ST6GALNAC3: variants seen among roughly 807,000 people sequenced by gnomAD.
ST6GALNAC3 encodes the protein ST6 N-acetylgalactosaminide alpha-2,6-sialyltransferase 3.
A neutral mutation model predicts 32.7 loss-of-function variants in ST6GALNAC3; 25 were observed. The observed-to-expected ratio is 0.76, with a 90% CI of 0.56 to 1.07. ST6GALNAC3 has a LOEUF of 1.07. Among genes scored for constraint, ST6GALNAC3 ranks in the 50% least tolerant of loss-of-function variants. The pLI is 0.00. For missense variants in ST6GALNAC3, 355 were observed against 382.4 expected (o/e 0.93, Z 0.60); for synonymous variants, 129 against 133.1 (o/e 0.97, Z 0.21).
chr1:76,135,455 G>GCACT (rs1441393541), intron 1 of ST6GALNAC3, among the ~76,000 whole-genome samples: 1 of 152,194 alleles, frequency 6.6e-6, no homozygotes, highest in Non-Finnish European at 1.5e-5. Context: ...ATTTACTGCA[G>GCACT]CACTCTAGTG....
intron 1 of ST6GALNAC3, among the ~76,000 whole-genome samples, chr1:76,117,983 T>A (rs543012648): frequency 1.2e-3 from 183 of 152,332 alleles, no homozygotes; most frequent in African/African-American, 4.1e-3. Context: ...TTCTTTTTTT[T>A]ATTATTACTT....
rs66531652 is a variant in ST6GALNAC3, at chr1:76,419,944, CTT to C, written c.623+7540_623+7541del. Reference sequence around the variant, plus strand: ...GTTCTTGTTTGTTCTTTCTTTCTTTCTTTTTTTTTTTTTTGTTTGTTTGTTTC... The same window carrying C: ...GTTCTTGTTTGTTCTTTCTTTCTTTCTTTTTTTTTTTTGTTTGTTTGTTTC... On this transcript the variant is annotated intron_variant, in intron 3 of 4. Coordinates refer to ENST00000328299, the MANE Select transcript of ST6GALNAC3 (RefSeq NM_152996.4). 5.0e-3 allele frequency among the ~76,000 whole-genome samples: 690 copies of C among 138,766 alleles called. 1 individual carries two copies. The highest frequency in any genetic ancestry group is 0.016 in the African/African-American group (590 of 37,628). The allele number at this position is 138,766 out of a possible 152,430, so 91.0% of individuals were successfully genotyped here. A position where few individuals can be genotyped will look rare whatever the true frequency, so the allele number is the denominator to read the frequency against.
intron 3 of ST6GALNAC3, among the ~76,000 whole-genome samples, chr1:76,424,052 C>A (rs1204806227): frequency 6.6e-6 from 1 of 151,876 alleles, no homozygotes; most frequent in Non-Finnish European, 1.5e-5. Flanking sequence ...GTTGCTATTC[C>A]AAGGTGACTT....
At chr1:76,340,878 A>G (rs1382166879) in intron 2 of ST6GALNAC3, among the ~76,000 whole-genome samples, 2 of 151,970 alleles carry the variant, frequency 1.3e-5, no homozygotes, top group South Asian at 2.1e-4. Flanking sequence ...TGTATTTCTA[A>G]TCTTAAAATG....
At chr1:76,599,431 A>C (rs1647185547) in intron 3 of ST6GALNAC3, among the ~76,000 whole-genome samples, 1 of 151,992 alleles carries the variant, frequency 6.6e-6, no homozygotes, top group African/African-American at 2.4e-5. Flanking sequence ...TATTTGTCCC[A>C]ATGCTCTCCC....
intron 3 of ST6GALNAC3, among the ~76,000 whole-genome samples, chr1:76,597,419 G>A (rs1240578778): frequency 1.3e-5 from 2 of 151,838 alleles, no homozygotes; most frequent in South Asian, 2.1e-4. Context: ...TACACACAAC[G>A]CTAAGATCTG....
At chr1:76,494,649 GCACACACACACACACA>G (rs35632611) in intron 3 of ST6GALNAC3, among the ~76,000 whole-genome samples, 1 of 67,702 alleles carries the variant, frequency 1.5e-5, no homozygotes, top group East Asian at 5.0e-4. Flanking sequence ...ATGTGTATGC[GCACACACACACACACA>G]CACACACACA....
At chr1:76,617,530 A>G (rs1407808210) in intron 3 of ST6GALNAC3, among the ~76,000 whole-genome samples, 1 of 152,236 alleles carries the variant, frequency 6.6e-6, no homozygotes, top group Non-Finnish European at 1.5e-5. Flanking sequence ...GCCCACATCA[A>G]TTCAGAAAGG....
intron 1 of ST6GALNAC3, among the ~76,000 whole-genome samples, chr1:76,173,037 A>G (rs2100427550): frequency 6.6e-6 from 1 of 152,334 alleles, no homozygotes; most frequent in Admixed American, 6.5e-5. Context: ...AGACAACCCT[A>G]AGCAAAAAGA....
chr1:76,477,472 T>C (rs958013768), intron 3 of ST6GALNAC3, among the ~76,000 whole-genome samples: 1 of 152,050 alleles, frequency 6.6e-6, no homozygotes, highest in African/African-American at 2.4e-5. Context: ...TGGAGCAAAT[T>C]TGGTCAAGCA....
At chr1:76,314,020 C>T in intron 2 of ST6GALNAC3, 21 bp downstream of exon 2, 1 of 1,603,744 alleles carries the variant, frequency 6.2e-7, no homozygotes, top group Non-Finnish European at 8.5e-7. Flanking sequence ...AGAGGGTTAC[C>T]TAGCAGTTGG....
At chr1:76,302,886 A>G (rs1019754545) in intron 1 of ST6GALNAC3, among the ~76,000 whole-genome samples, 1 of 151,930 alleles carries the variant, frequency 6.6e-6, no homozygotes, top group African/African-American at 2.4e-5. Flanking sequence ...TTGAAAACGA[A>G]AGTACACTCC....
chr1:76,074,891 A>G lies in ST6GALNAC3; in HGVS notation c.18+7A>G. 6.3e-7 allele frequency: 1 copy of G among 1,596,796 alleles called. No homozygotes were observed. The highest frequency in any genetic ancestry group is 8.5e-7 in the Non-Finnish European group (1 of 1,172,154). ...CATGGCCTGCATCCTGAAGGTAACG[A>G]CTTGGATCTGTGGCTCGGACGCGTG... On this transcript the variant is annotated splice_region_variant and intron_variant, in intron 1 of 4. Coordinates refer to ENST00000328299, the MANE Select transcript of ST6GALNAC3 (RefSeq NM_152996.4).
chr1:76,533,419 G>A (rs1449069943), intron 3 of ST6GALNAC3, among the ~76,000 whole-genome samples: 2 of 152,000 alleles, frequency 1.3e-5, no homozygotes, highest in African/African-American at 2.4e-5. Flanking sequence ...TTGCCTTTTG[G>A]GTCCTTCTTT....
At chr1:76,428,846 T>C (rs191468000) in intron 3 of ST6GALNAC3, among the ~76,000 whole-genome samples, 1 of 152,264 alleles carries the variant, frequency 6.6e-6, no homozygotes, top group East Asian at 1.9e-4. Context: ...GCACTTCTCG[T>C]AAACAGGCTA....
chr1:76,624,768 C>G (rs1648860462), intron 3 of ST6GALNAC3, among the ~76,000 whole-genome samples: 1 of 151,798 alleles, frequency 6.6e-6, no homozygotes, highest in African/African-American at 2.4e-5. Context: ...ATGGAGTTCT[C>G]CCCACAAAAG....
At chr1:76,491,233 G>A (rs1438717332) in intron 3 of ST6GALNAC3, among the ~76,000 whole-genome samples, 2 of 152,118 alleles carry the variant, frequency 1.3e-5, no homozygotes, top group South Asian at 2.1e-4. Flanking sequence ...TGAAGCAAGA[G>A]GGTTGGAGGA....
intron 3 of ST6GALNAC3, among the ~76,000 whole-genome samples, chr1:76,479,057 T>C (rs1304262828): frequency 6.6e-6 from 1 of 152,046 alleles, no homozygotes; most frequent in African/African-American, 2.4e-5. Context: ...CCCACCATGC[T>C]CTGCCTTATT....
At chr1:76,319,413 CA>C (rs1646927158) in intron 2 of ST6GALNAC3, among the ~76,000 whole-genome samples, 1 of 152,104 alleles carries the variant, frequency 6.6e-6, no homozygotes, top group Admixed American at 6.5e-5. Context: ...ACAGACAGGC[CA>C]CACTAGCCTA....
Sources: allele counts gnomAD v4.1 joint callset (sites outside exome capture counted in the v4.1 genomes callset), GRCh38; gene constraint gnomAD v4.1.1; transcripts MANE v1.5; gene names NCBI Gene and HGNC (gene_info 2026-07-23, HGNC 2026-07-21).